DSCAM: variants seen among roughly 807,000 people sequenced by gnomAD.
DSCAM encodes the protein DS cell adhesion molecule, also known as cell adhesion molecule DSCAM.
DSCAM carries 47 observed loss-of-function variants against 217.7 expected under a neutral mutation model. That is an observed-to-expected ratio of 0.22 (90% CI 0.17 to 0.28). The LOEUF is 0.28. Among genes scored for constraint, DSCAM ranks in the 10% least tolerant of loss-of-function variants. The probability of loss-of-function intolerance (pLI) is 1.00; values close to 1 mark genes in which losing one functional copy is unlikely to be tolerated. For synonymous variants in DSCAM, 1,056 were observed against 1,015.3 expected, an observed-to-expected ratio of 1.04 and a Z score of -0.76; for missense variants, 2,080 against 2,618.3, an observed-to-expected ratio of 0.79 and a Z score of 4.49.
intron 3 of DSCAM, among the ~76,000 whole-genome samples, chr21:40,649,335 C>G (rs1454702174): frequency 6.6e-6 from 1 of 152,190 alleles, no homozygotes; most frequent in African/African-American, 2.4e-5. Flanking sequence ...CACATCCCAC[C>G]TGGAACCTCC....
chr21:40,192,907 C>A (rs2090967257), intron 11 of DSCAM, among the ~76,000 whole-genome samples: 1 of 152,098 alleles, frequency 6.6e-6, no homozygotes, highest in Non-Finnish European at 1.5e-5. Flanking sequence ...GTTGTGTGAA[C>A]AAATGTTTTC....
intron 3 of DSCAM, among the ~76,000 whole-genome samples, chr21:40,491,987 A>G (rs534214694): frequency 2.6e-4 from 40 of 152,186 alleles, no homozygotes; most frequent in Non-Finnish European, 5.4e-4. Flanking sequence ...TTGATGTAGT[A>G]CCCTTCTTCC....
At chr21:40,426,601 A>T (rs780605327) in intron 3 of DSCAM, among the ~76,000 whole-genome samples, 4 of 152,240 alleles carry the variant, frequency 2.6e-5, no homozygotes, top group Non-Finnish European at 4.4e-5. Context: ...TTTAGATGTC[A>T]ATGTCATAAA....
In DSCAM at chr21:40,028,266, G is replaced by A. The variant is rs1159536834; in HGVS notation, c.5686+14105C>T. ...TGGGAGGACCACTGCTCTCTTCAAA[G>A]CTGTCAGACAGGGACATTTGAGTCT... On this transcript the variant is annotated intron_variant, in intron 32 of 32. Coordinates refer to ENST00000400454, the MANE Select transcript of DSCAM (RefSeq NM_001389.5). 3.6e-5 allele frequency among the ~76,000 whole-genome samples: 4 copies of A among 111,588 alleles called. 1 individual carries two copies. Among genetic ancestry groups the A allele is most frequent in the Non-Finnish European group, 7.4e-5 (4 of 54,206 alleles). The allele number at this position is 111,588 out of a possible 152,430, so 73.2% of individuals were successfully genotyped here. A position where few individuals can be genotyped will look rare whatever the true frequency, so the allele number is the denominator to read the frequency against.
At chr21:40,458,943 T>C (rs2145944443) in intron 3 of DSCAM, among the ~76,000 whole-genome samples, 1 of 152,060 alleles carries the variant, frequency 6.6e-6, no homozygotes, top group Admixed American at 6.5e-5. Flanking sequence ...AAGTTATATA[T>C]GAGAGTAGAA....
Position 40,140,930 on chromosome 21 carries a change from AG to A in DSCAM, c.3406+1627del, listed in dbSNP as rs2090282038. ...AAATGTGTCTACTGCAGGACCAAGG[AG>A]GGCGGGGGGGGGTCCTTCTAGATTG... is the stretch of plus-strand genomic sequence containing the variant. On this transcript the variant is annotated intron_variant, in intron 18 of 32. Transcript: ENST00000400454. Among the ~76,000 whole-genome samples the A allele has an allele frequency of 2.0e-4, 8 of 39,956 alleles. No individual in the cohort carries two copies. The South Asian group carries it at 7.8e-3, about 39-fold the overall frequency. 26.2% of individuals were successfully genotyped at this position (39,956 alleles called of 152,430 possible). A position where few individuals can be genotyped will look rare whatever the true frequency, so the allele number is the denominator to read the frequency against.
chr21:40,846,397 A>G (rs1235347075), intron 1 of DSCAM, among the ~76,000 whole-genome samples: 3 of 152,078 alleles, frequency 2.0e-5, no homozygotes, highest in Non-Finnish European at 4.4e-5. Flanking sequence ...GCGCCTTCCA[A>G]TGATTACAGA....
intron 3 of DSCAM, among the ~76,000 whole-genome samples, chr21:40,464,613 T>A (rs1391353402): frequency 6.6e-6 from 1 of 152,198 alleles, no homozygotes; most frequent in Non-Finnish European, 1.5e-5. Context: ...TCCAGCCCAC[T>A]TTTAAAATAT....
At chr21:40,370,889 C>T (rs8127872) in intron 3 of DSCAM, among the ~76,000 whole-genome samples, 105,351 of 152,000 alleles carry the variant, frequency 0.69, 37,323 homozygotes, top group African/African-American at 0.83. Context: ...CCCAAAGTGC[C>T]AGGGAGTGTA....
chr21:40,247,995 C>T (rs886258841), intron 11 of DSCAM, among the ~76,000 whole-genome samples: 1 of 152,194 alleles, frequency 6.6e-6, no homozygotes, highest in Non-Finnish European at 1.5e-5. Context: ...TGGAAGCTGC[C>T]AAGGCTTGGG....
At chr21:40,041,550 A>C (rs1207334878) in intron 32 of DSCAM, among the ~76,000 whole-genome samples, 1 of 152,250 alleles carries the variant, frequency 6.6e-6, no homozygotes, top group East Asian at 1.9e-4. Flanking sequence ...TTTCTTTTAG[A>C]CAGTAGTGAA....
intron 6 of DSCAM, among the ~76,000 whole-genome samples, chr21:40,343,147 T>C (rs2074518031): frequency 1.3e-5 from 2 of 152,184 alleles, no homozygotes; most frequent in South Asian, 4.1e-4. Flanking sequence ...GCATTTTGTG[T>C]ATCATTCTTA....
chr21:40,167,129 C>A (rs73904711), intron 16 of DSCAM, 89 bp downstream of exon 16: 2 of 1,157,502 alleles, frequency 1.7e-6, no homozygotes, highest in South Asian at 1.5e-5. Flanking sequence ...TTGTAAAATT[C>A]GAGAGTCTTG....
chr21:40,303,786 TCAACTGACAGTCAACTATTTTAGC>T (rs1279151353), intron 9 of DSCAM, among the ~76,000 whole-genome samples: 11 of 152,350 alleles, frequency 7.2e-5, no homozygotes, highest in African/African-American at 2.4e-4. Context: ...ATTTTTCCTG[TCAACTGACAGTCAACTATTTTAGC>T]CAATGTGCTT....
intron 3 of DSCAM, among the ~76,000 whole-genome samples, chr21:40,465,814 G>A (rs2075840270): frequency 6.6e-6 from 1 of 151,758 alleles, no homozygotes; most frequent in South Asian, 2.1e-4. Context: ...GCTTACTCTT[G>A]AAATACTTGA....
chr21:40,480,363 C>T (rs901297973), intron 3 of DSCAM, among the ~76,000 whole-genome samples: 2 of 152,192 alleles, frequency 1.3e-5, no homozygotes, highest in Non-Finnish European at 2.9e-5. Flanking sequence ...CTCTTTCCCT[C>T]CTGGTATTCT....
At chr21:40,606,599 A>T (rs1172068723) in intron 3 of DSCAM, among the ~76,000 whole-genome samples, 2 of 151,974 alleles carry the variant, frequency 1.3e-5, no homozygotes, top group Admixed American at 6.5e-5. Context: ...ATGGGAGTTA[A>T]AGAAGGTGCC....
chr21:40,464,673 A>G (rs1601663727), intron 3 of DSCAM, among the ~76,000 whole-genome samples: 1 of 151,880 alleles, frequency 6.6e-6, no homozygotes, highest in East Asian at 1.9e-4. Context: ...CACCCTGTTC[A>G]GTCCCAAGTG....
At chr21:40,050,513 C>T (rs111616920) in intron 30 of DSCAM, among the ~76,000 whole-genome samples, 3 of 150,974 alleles carry the variant, frequency 2.0e-5, no homozygotes, top group African/African-American at 4.9e-5. Context: ...GACAGAGTCT[C>T]GCTCTGTCGT....
Sources: gnomAD v4.1 joint callset for allele counts (sites outside exome capture counted in the v4.1 genomes callset) on GRCh38, gnomAD v4.1.1 for gene constraint, MANE v1.5 for transcripts, NCBI Gene and HGNC (gene_info 2026-07-23, HGNC 2026-07-21) for gene names.